The following PLOD1 variants were observed in gnomAD, a reference collection of about 807,000 sequenced individuals.
The protein encoded by PLOD1 is lysine hydroxylase.
In PLOD1, 70 loss-of-function variants were observed where a neutral mutation model predicts 94.7. The ratio of observed to expected loss-of-function variants is 0.74; its 90% CI spans 0.61 to 0.90. The LOEUF (loss-of-function observed/expected upper bound fraction) is 0.90. Among genes scored for constraint, PLOD1 ranks in the 40% least tolerant of loss-of-function variants. The pLI is 0.00. For missense variants in PLOD1, 905 were observed against 972.7 expected (o/e 0.93, Z 0.93); for synonymous variants, 417 against 400.2 (o/e 1.04, Z -0.50).
At position 11,958,558 on chromosome 1, in the gene PLOD1, C is replaced by A; in HGVS notation, c.886C>A (p.Gln296Lys). 6.2e-7 allele frequency: 1 copy of A among 1,613,934 alleles called. No individual in the cohort carries two copies. Among genetic ancestry groups the A allele is most frequent in the African/African-American group, 1.3e-5 (1 of 75,022 alleles). ...GGTCCTGGTCGGCGTGTTCATCGAA[C>A]AGCCCACGCCGTTTGTGTCCCTGTT... ...PTVLVGVFIEQPTPFVSLFFQ... is the reference protein window; with the variant it reads ...PTVLVGVFIEKPTPFVSLFFQ... The change falls in exon 9 of 19, where the codon CAG (glutamine) becomes AAG (lysine). Residue 296 changes from glutamine to lysine, a missense_variant. Physicochemically the swap from Gln to Lys is moderately conservative, Grantham distance 53 (BLOSUM62 1). Transcript: ENST00000196061. This position sits in a 1 kb window ranked among gnomAD's most constrained non-coding sequence, Gnocchi z 4.3.
chr1:11,964,581 G>T, intron 12 of PLOD1, 63 bp from the exon 13 acceptor site: 1 of 1,532,518 alleles, frequency 6.5e-7, no homozygotes. Flanking sequence ...ACCACCCTGT[G>T]ACCCCCTCCA....
chr1:11,953,067 T>A (rs1645714498), intron 5 of PLOD1, among the ~76,000 whole-genome samples: 1 of 152,088 alleles, frequency 6.6e-6, no homozygotes, highest in African/African-American at 2.4e-5. Context: ...CCTATTTTTT[T>A]ATTTTTGGGA....
At chr1:11,943,023 G>A (rs773607000) in intron 1 of PLOD1, among the ~76,000 whole-genome samples, 10 of 152,258 alleles carry the variant, frequency 6.6e-5, no homozygotes, top group Admixed American at 1.3e-4. Flanking sequence ...GACTTGCTCT[G>A]TCACCCAGGC....
In PLOD1 at chr1:11,964,281, A is replaced by G; in HGVS notation, c.1309A>G (p.Ile437Val). The change falls in exon 12 of 19, where the codon ATT (isoleucine) becomes GTT (valine). Residue 437 changes from isoleucine (I) to valine (V), a missense_variant. By Grantham distance (29) the Ile-to-Val change is conservative. Transcript: ENST00000196061. ...YYARSEDYVD[I>V]VQGRRVGVWN... ...TGCCCGTTCCGAGGACTACGTGGAC[A>G]TTGTGCAGGGGCGGCGTGTGTGAGT... is the stretch of plus-strand genomic sequence containing the variant. The G allele has an allele frequency of 9.7e-7, 1 of 1,029,978 alleles. No homozygotes were observed. The highest frequency in any genetic ancestry group is 1.4e-6 in the Non-Finnish European group (1 of 739,860). The allele number at this position is 1,029,978 out of a possible 1,614,324, so 63.8% of individuals were successfully genotyped here. A position where few individuals can be genotyped will look rare whatever the true frequency, so the allele number is the denominator to read the frequency against.
intron 6 of PLOD1, among the ~76,000 whole-genome samples, chr1:11,955,165 G>C (rs920575920): frequency 6.6e-6 from 1 of 152,228 alleles, no homozygotes; most frequent in African/African-American, 2.4e-5. Context: ...CTGCATACCA[G>C]GTCCTTACAG....
At chr1:11,968,169 G>A (rs1301872428) in intron 16 of PLOD1, among the ~76,000 whole-genome samples, 1 of 152,128 alleles carries the variant, frequency 6.6e-6, no homozygotes, top group Non-Finnish European at 1.5e-5. Context: ...GGCCAGGCTG[G>A]TCTCAAACTC....
intron 16 of PLOD1, among the ~76,000 whole-genome samples, chr1:11,970,307 C>A (rs987083343): frequency 3.3e-5 from 5 of 152,044 alleles, no homozygotes; most frequent in African/African-American, 1.2e-4. Context: ...ATGGTGCGTG[C>A]CTGTAGTCCC....
At chr1:11,945,526 C>T (rs951591814) in intron 1 of PLOD1, among the ~76,000 whole-genome samples, 10 of 151,638 alleles carry the variant, frequency 6.6e-5, no homozygotes, top group Non-Finnish European at 1.5e-4. Flanking sequence ...CTTGCATGGT[C>T]CCTTGCATGA....
At chr1:11,960,531 G>C in intron 9 of PLOD1, 115 bp from the exon 10 acceptor site, 1 of 795,312 alleles carries the variant, frequency 1.3e-6, no homozygotes, top group Non-Finnish European at 2.2e-6. Context: ...CAGATGGCCG[G>C]GGTGCCAGAG....
chr1:11,958,629 A>G lies in PLOD1; in HGVS notation c.957A>G (p.Arg319=). ...LRLHYPQKHM[R]LFIHNHEQHH... ...TCCACTACCCCCAGAAACACATGCG[A>G]CTTTTCATCCACAACCACGTGAGTA... The change falls in exon 9 of 19, where the codon CGA becomes CGG. Residue 319 remains arginine, a synonymous_variant. Transcript: ENST00000196061. This position sits in a 1 kb window ranked among gnomAD's most constrained non-coding sequence, Gnocchi z 4.3. 2 of 1,614,096 alleles carry G rather than the reference A, an allele frequency of 1.2e-6. No homozygotes were observed. The highest frequency in any genetic ancestry group is 1.7e-6 in the Non-Finnish European group (2 of 1,180,026).
At chr1:11,944,310 A>G (rs768093462) in intron 1 of PLOD1, among the ~76,000 whole-genome samples, 1 of 152,026 alleles carries the variant, frequency 6.6e-6, no homozygotes, top group African/African-American at 2.4e-5. Flanking sequence ...ATTGAGAAGC[A>G]GGAACCTGAG....
At position 11,969,149 on chromosome 1, in the gene PLOD1, G is replaced by A. The variant is rs1168941662; in HGVS notation, c.1756-1521G>A. On this transcript the variant is annotated intron_variant, in intron 16 of 18. Transcript: ENST00000196061. ...ATTACAGGTACCCACCACTACGCCTGGCTAATTTTTGTATTTTTAGTAGAG... is the reference window on the plus strand; with the variant it reads ...ATTACAGGTACCCACCACTACGCCTAGCTAATTTTTGTATTTTTAGTAGAG... Among the ~76,000 whole-genome samples the A allele has an allele frequency of 2.7e-5, 4 of 150,848 alleles. No homozygotes were observed. The East Asian group carries it at 8.0e-4, about 30-fold the overall frequency.
intron 3 of PLOD1, among the ~76,000 whole-genome samples, 165 bp downstream of exon 3, chr1:11,950,071 CT>C (rs1366119074): frequency 2.0e-5 from 3 of 152,176 alleles, no homozygotes; most frequent in Non-Finnish European, 4.4e-5. Context: ...CATTCCCAGG[CT>C]TGGTGAAAAG....
chr1:11,952,622 G>A lies in PLOD1; in HGVS notation c.467-1G>A. On this transcript the variant is annotated splice_acceptor_variant, in intron 4 of 18. Transcript: ENST00000196061. LOFTEE classifies it high-confidence loss of function. ...TGGTGTCCCCACCCACCAACCTTCA[G>A]GCTTCATCGGTTATGCCCCCAACCT... 1 of 1,612,826 alleles carries A rather than the reference G, an allele frequency of 6.2e-7. No homozygotes were observed. Among genetic ancestry groups the A allele is most frequent in the Non-Finnish European group, 8.5e-7 (1 of 1,178,808 alleles).
chr1:11,938,849 A>G (rs192692327), intron 1 of PLOD1, among the ~76,000 whole-genome samples: 1 of 152,262 alleles, frequency 6.6e-6, no homozygotes, highest in African/African-American at 2.4e-5. Context: ...TCACTTCAGT[A>G]GACACCCCAC....
chr1:11,949,700 A>C, intron 2 of PLOD1, 73 bp from the exon 3 acceptor site: 2 of 1,521,948 alleles, frequency 1.3e-6, no homozygotes, highest in South Asian at 1.1e-5. Flanking sequence ...GATTACCAGC[A>C]TGAGCCACCA....
intron 1 of PLOD1, among the ~76,000 whole-genome samples, chr1:11,935,549 T>A (rs1645572316): frequency 6.6e-6 from 1 of 152,134 alleles, no homozygotes. Flanking sequence ...TGAGACAGAG[T>A]CTTGCTCTGT....
chr1:11,974,391 C>T (rs1645888765), intron 18 of PLOD1, among the ~76,000 whole-genome samples: 1 of 152,142 alleles, frequency 6.6e-6, no homozygotes, highest in Non-Finnish European at 1.5e-5. Context: ...CCATGTTGGC[C>T]ATGCTGGTCT....
At chr1:11,966,840 C>G (rs1197634164) in intron 15 of PLOD1, 147 bp from the exon 16 acceptor site, 1 of 685,234 alleles carries the variant, frequency 1.5e-6, no homozygotes, top group Non-Finnish European at 2.7e-6. Flanking sequence ...GCCTCCTCCT[C>G]CCCACTCAGT....
Sources: gnomAD v4.1 joint callset for allele counts (sites outside exome capture counted in the v4.1 genomes callset) on GRCh38, gnomAD v4.1.1 for gene constraint, Gnocchi (gnomAD v3.1) non-coding constraint, MANE v1.5 for transcripts, NCBI Gene and HGNC (gene_info 2026-07-23, HGNC 2026-07-21) for gene names.